The following SERF2 variants were observed in gnomAD, a reference collection of about 807,000 sequenced individuals.
SERF2 encodes gastric cancer-related protein VRG107.
SERF2 carries 4 observed loss-of-function variants against 10.7 expected under a neutral mutation model. The observed-to-expected ratio is 0.37, with a 90% CI of 0.18 to 0.86. The LOEUF (loss-of-function observed/expected upper bound fraction) is 0.86. SERF2 is among the 40% of genes least tolerant of loss of function. SERF2 has a pLI of 0.43. For missense variants in SERF2, 47 were observed against 79.1 expected (o/e 0.59, Z 1.54); for synonymous variants, 26 against 26.0 (o/e 1.00, Z 0.01).
Position 43,795,437 on chromosome 15 carries a change from A to C in SERF2, c.*1664A>C, listed in dbSNP as rs142695112. 588 of 1,614,232 alleles carry C rather than the reference A, an allele frequency of 3.6e-4. No homozygotes were observed. Among genetic ancestry groups the C allele is most frequent in the South Asian group, 2.9e-3 (266 of 91,084 alleles). ...ATGACATAGAGTGAGGCAAGGAAGA[A>C]GACGAAGTGGAAGGCAGAATAGTTG... On this transcript the variant is annotated 3_prime_UTR_variant, in exon 3 of 3. Transcript: ENST00000249786.
intron 1 of SERF2, among the ~76,000 whole-genome samples, chr15:43,784,439 TTTTG>T (rs907411359): frequency 6.9e-4 from 103 of 150,272 alleles, no homozygotes; most frequent in African/African-American, 2.3e-3. Context: ...CTCCCTCTAT[TTTTG>T]TTTTATTTAT....
rs145368177 is a variant in SERF2, at chr15:43,778,581, C to CAAAAAAAAAA, written c.-527+1104_-527+1113dup. On this transcript the variant is annotated intron_variant, in intron 1 of 4. Coordinates refer to the SERF2 transcript ENST00000381359. ...CCAGGCGCGCTGGCAGATTCCATCT[C>CAAAAAAAAAA]AAAAAAAAAAAAAAAAAAAAAAAAA... Among the ~76,000 whole-genome samples the CAAAAAAAAAA allele has an allele frequency of 5.2e-4, 15 of 28,958 alleles. 2 individuals are homozygous for CAAAAAAAAAA. Among genetic ancestry groups the CAAAAAAAAAA allele is most frequent in the East Asian group, 1.6e-3 (1 of 626 alleles). The allele number at this position is 28,958 out of a possible 152,430, so 19.0% of individuals were successfully genotyped here. A position where few individuals can be genotyped will look rare whatever the true frequency, so the allele number is the denominator to read the frequency against.
rs2087205822 is a variant in SERF2, at chr15:43,795,953, T to A, written c.*2180T>A. ...CCATTTGTAAAATGGAGCAAATACC[T>A]ACCTCACAGGGTTGTTGTGAGGGTT... On this transcript the variant is annotated 3_prime_UTR_variant, in exon 3 of 3. Coordinates refer to ENST00000249786, the MANE Select transcript of SERF2 (RefSeq NM_001018108.4). 1.6e-6 allele frequency: 1 copy of A among 640,170 alleles called. No homozygotes were observed. The highest frequency in any genetic ancestry group is 2.7e-5 in the East Asian group (1 of 36,674). 39.7% of individuals were successfully genotyped at this position (640,170 alleles called of 1,614,324 possible). A position where few individuals can be genotyped will look rare whatever the true frequency, so the allele number is the denominator to read the frequency against.
chr15:43,794,307 T>C lies in SERF2; in HGVS notation c.*534T>C, dbSNP rs1405839084. On this transcript the variant is annotated 3_prime_UTR_variant, in exon 3 of 3. Coordinates refer to ENST00000249786, the MANE Select transcript of SERF2 (RefSeq NM_001018108.4). ...CCACCCTTGAACACCATCTCTAGGA[T>C]GGAGTTGGCCTAAGAGTGAATGCTG... 3 of 253,310 alleles carry C rather than the reference T, an allele frequency of 1.2e-5. No individual in the cohort carries two copies. The highest frequency in any genetic ancestry group is 2.3e-5 in the Non-Finnish European group (3 of 131,778). 15.7% of individuals were successfully genotyped at this position (253,310 alleles called of 1,614,324 possible).
intron 2 of SERF2, 168 bp from the exon 3 acceptor site, chr15:43,793,542 T>C: frequency 6.7e-7 from 1 of 1,486,502 alleles, no homozygotes; most frequent in Non-Finnish European, 8.9e-7. Flanking sequence ...TGGTCGCCTT[T>C]TGAGCCTCAG....
chr15:43,784,013 G>C (rs1341851007), intron 1 of SERF2, among the ~76,000 whole-genome samples: 1 of 125,424 alleles, frequency 8.0e-6, no homozygotes, highest in Non-Finnish European at 1.6e-5. Context: ...TCAAACTCCT[G>C]ACCTTGTGAT....
At chr15:43,792,640 A>T (rs574262515) in intron 1 of SERF2, 5 of 1,401,680 alleles carry the variant, frequency 3.6e-6, no homozygotes, top group African/African-American at 1.4e-5. Context: ...CCCCTGTGAT[A>T]GGCCCAGAGC....
chr15:43,777,143 G>A (rs543444167), exon 1 of SERF2: 2 of 695,388 alleles, frequency 2.9e-6, no homozygotes, highest in East Asian at 5.9e-5. Context: ...GGATCCGCAT[G>A]AATCGCTTTG....
At chr15:43,792,155 G>C, upstream of SERF2, 1 of 480,362 alleles carries the variant, frequency 2.1e-6, no homozygotes, top group Admixed American at 3.1e-5. Context: ...CCCGCCCCAC[G>C]CTGAGCGCTC....
At chr15:43,786,016 A>G (rs2087003907) in intron 2 of SERF2, among the ~76,000 whole-genome samples, 1 of 151,056 alleles carries the variant, frequency 6.6e-6, no homozygotes, top group Non-Finnish European at 1.5e-5. Flanking sequence ...ATGAGACTGA[A>G]TTTTCTGCTT....
chr15:43,789,930 C>G (rs1398842544), upstream of SERF2, among the ~76,000 whole-genome samples: 1 of 152,058 alleles, frequency 6.6e-6, no homozygotes, highest in Non-Finnish European at 1.5e-5. Context: ...CACCTGAGGT[C>G]AGGAGTTTGA....
chr15:43,793,680 C>A, intron 2 of SERF2, 30 bp from the exon 3 acceptor site: 2 of 1,614,146 alleles, frequency 1.2e-6, no homozygotes, highest in Non-Finnish European at 1.7e-6. Context: ...CCTCTGGTAC[C>A]TCCCAGTGCC....
Position 43,794,282 on chromosome 15 carries a change from C to A in SERF2, c.*509C>A. ...ACTTCTTTTCTGTGATTTTTGTTCC[C>A]CACCCTTGAACACCATCTCTAGGAT... On this transcript the variant is annotated 3_prime_UTR_variant, in exon 3 of 3. Coordinates refer to ENST00000249786, the MANE Select transcript of SERF2 (RefSeq NM_001018108.4). 1 of 301,186 alleles carries A rather than the reference C, an allele frequency of 3.3e-6. No individual in the cohort carries two copies. Among genetic ancestry groups the A allele is most frequent in the Non-Finnish European group, 6.2e-6 (1 of 161,592 alleles). 18.7% of individuals were successfully genotyped at this position (301,186 alleles called of 1,614,324 possible).
In SERF2 at chr15:43,794,261, C is replaced by G. The variant is rs1268711157; in HGVS notation, c.*488C>G. The G allele has an allele frequency of 1.2e-5, 4 of 345,806 alleles. No individual in the cohort carries two copies. The highest frequency in any genetic ancestry group is 2.1e-5 in the Non-Finnish European group (4 of 189,874). The allele number at this position is 345,806 out of a possible 1,614,324, so 21.4% of individuals were successfully genotyped here. Reference sequence around the variant, plus strand: ...AATCCTCTAAGAACCATAGAGACTTCTTTTCTGTGATTTTTGTTCCCCACC... The same window carrying G: ...AATCCTCTAAGAACCATAGAGACTTGTTTTCTGTGATTTTTGTTCCCCACC... On this transcript the variant is annotated 3_prime_UTR_variant, in exon 3 of 3. Coordinates refer to ENST00000249786, the MANE Select transcript of SERF2 (RefSeq NM_001018108.4).
Position 43,795,893 on chromosome 15 carries a change from T to C in SERF2, c.*2120T>C, listed in dbSNP as rs2087203922. 1 of 721,186 alleles carries C rather than the reference T, an allele frequency of 1.4e-6. No homozygotes were observed. The highest frequency in any genetic ancestry group is 2.3e-6 in the Non-Finnish European group (1 of 441,180). 44.7% of individuals were successfully genotyped at this position (721,186 alleles called of 1,614,324 possible). A position where few individuals can be genotyped will look rare whatever the true frequency, so the allele number is the denominator to read the frequency against. On this transcript the variant is annotated 3_prime_UTR_variant, in exon 3 of 3. Transcript: ENST00000249786. ...AGCATATAAGTGGCTGTGCAGACTT[T>C]GGTAAGATGTTTAATCTTTTGTGCC...
At chr15:43,793,612 C>T (rs2087125730) in intron 2 of SERF2, 98 bp from the exon 3 acceptor site, 4 of 1,606,604 alleles carry the variant, frequency 2.5e-6, no homozygotes, top group African/African-American at 1.3e-5. Context: ...AACTTAGTCC[C>T]ATCCACTTCC....
intron 1 of SERF2, among the ~76,000 whole-genome samples, chr15:43,780,895 C>T (rs143563485): frequency 7.2e-5 from 11 of 152,178 alleles, no homozygotes; most frequent in African/African-American, 1.2e-4. Context: ...CACAATTTCA[C>T]GAATAGGGGA....
Position 43,794,833 on chromosome 15 carries a change from G to C in SERF2, c.*1060G>C. 1.6e-6 allele frequency: 1 copy of C among 610,664 alleles called. No individual in the cohort carries two copies. The highest frequency in any genetic ancestry group is 2.9e-6 in the Non-Finnish European group (1 of 346,846). The allele number at this position is 610,664 out of a possible 1,614,324, so 37.8% of individuals were successfully genotyped here. A position where few individuals can be genotyped will look rare whatever the true frequency, so the allele number is the denominator to read the frequency against. ...TCCAGTGAGTCAGACACTCTGCCCA[G>C]CACATTAGACTGTGTTTGACCACTT... On this transcript the variant is annotated 3_prime_UTR_variant, in exon 3 of 3. Transcript: ENST00000249786.
At chr15:43,792,816 TC>T (rs2087098493) in intron 1 of SERF2, 158 bp from the exon 2 acceptor site, 6 of 676,408 alleles carry the variant, frequency 8.9e-6, no homozygotes, top group Admixed American at 8.7e-5. Context: ...GATTCGCCAC[TC>T]CCCCCTACCC....
Sources: allele counts gnomAD v4.1 joint callset (sites outside exome capture counted in the v4.1 genomes callset), GRCh38; gene constraint gnomAD v4.1.1; transcripts MANE v1.5; gene names NCBI Gene and HGNC (gene_info 2026-07-23, HGNC 2026-07-21).